The following SRSF1 variants were observed in gnomAD, a reference collection of about 807,000 sequenced individuals.
SRSF1 encodes serine/arginine-rich splicing factor 1.
In SRSF1, 1 loss-of-function variant was observed where a neutral mutation model predicts 25.9. The ratio of observed to expected loss-of-function variants is 0.04; its 90% CI spans 0.01 to 0.18. The LOEUF is 0.18. Among genes scored for constraint, SRSF1 ranks in the 10% least tolerant of loss-of-function variants. The probability of loss-of-function intolerance (pLI) is 1.00; values close to 1 mark genes in which losing one functional copy is unlikely to be tolerated. For missense variants in SRSF1, 65 were observed against 350.5 expected, an observed-to-expected ratio of 0.19 and a Z score of 6.50; for synonymous variants, 132 against 126.2, an observed-to-expected ratio of 1.05 and a Z score of -0.31.
downstream of SRSF1, among the ~76,000 whole-genome samples, chr17:58,000,659 T>C (rs1473252048): frequency 6.6e-6 from 1 of 152,154 alleles, no homozygotes; most frequent in Non-Finnish European, 1.5e-5. Flanking sequence ...GGATTCACAA[T>C]AACAGGTTTT....
chr17:57,994,482 A>G, the SRSF1 span: 14 of 152,214 alleles, frequency 9.2e-5, no homozygotes, highest in African/African-American at 2.9e-4. Context: ...AGTTTGAGAT[A>G]AAACTCCTGT....
rs1427444910 is a variant in SRSF1 at position 58,005,377 on chromosome 17, G to A, written c.*29C>T. On this transcript the variant is annotated 3_prime_UTR_variant, in exon 4 of 4. Transcript: ENST00000258962. The surrounding 1 kb of genome is among the most constrained non-coding windows in gnomAD (Gnocchi z 5.2). ...AATAAAGGAAAACTGTATACAACAT[G>A]GGTTCTACAAAAAGTGTCACCAATC... 1.2e-6 allele frequency: 2 copies of A among 1,610,284 alleles called. No homozygotes were observed. The highest frequency in any genetic ancestry group is 1.7e-6 in the Non-Finnish European group (2 of 1,176,768).
At chr17:57,995,611 G>C in the SRSF1 span, among the ~76,000 whole-genome samples, 1 of 152,316 alleles carries the variant, frequency 6.6e-6, no homozygotes, top group African/African-American at 2.4e-5. Context: ...AGCACCATGG[G>C]ACACCCTGCT....
In SRSF1 at chr17:58,003,600, T is replaced by TA. The variant is rs772393944; in HGVS notation, c.*1805dup. 1 of 152,230 alleles carries TA rather than the reference T, an allele frequency of 6.6e-6. No individual in the cohort carries two copies. The highest frequency in any genetic ancestry group is 2.4e-5 in the African/African-American group (1 of 41,454). The allele number at this position is 152,230 out of a possible 1,614,324, so 9.4% of individuals were successfully genotyped here. On this transcript the variant is annotated 3_prime_UTR_variant, in exon 4 of 4. Coordinates refer to ENST00000258962, the MANE Select transcript of SRSF1 (RefSeq NM_006924.5). ...GTTTTCTTTAAATTTAGAAGTGACT[T>TA]ACTGATTTACTATTTTAAACAAACC... is the stretch of plus-strand genomic sequence containing the variant.
downstream of SRSF1, among the ~76,000 whole-genome samples, chr17:57,996,414 G>C (rs893842366): frequency 6.8e-6 from 1 of 147,516 alleles, no homozygotes; most frequent in Non-Finnish European, 1.5e-5. Flanking sequence ...AACCCAGGAG[G>C]TGGAGGTTGC....
In SRSF1 at chr17:58,007,184, C is replaced by T; in HGVS notation, c.-47G>A. The T allele has an allele frequency of 1.2e-6, 2 of 1,605,840 alleles. No individual in the cohort carries two copies. Among genetic ancestry groups the T allele is most frequent in the South Asian group, 2.2e-5 (2 of 90,622 alleles). ...CTCGAGAACAGGCCTTCCCACCAAGCCTAGCGCACGGCAGAGCGAGCCCGC... is the reference window on the plus strand; with the variant it reads ...CTCGAGAACAGGCCTTCCCACCAAGTCTAGCGCACGGCAGAGCGAGCCCGC... On this transcript the variant is annotated 5_prime_UTR_variant, in exon 1 of 4. Coordinates refer to ENST00000258962, the MANE Select transcript of SRSF1 (RefSeq NM_006924.5).
At chr17:57,989,501 T>C in the SRSF1 span, 4 of 397,598 alleles carry the variant, frequency 1.0e-5, no homozygotes, top group East Asian at 1.4e-4. Context: ...AAGGTCACCA[T>C]CTCCAACTTC....
the SRSF1 span, among the ~76,000 whole-genome samples, chr17:57,995,029 G>C: frequency 4.6e-5 from 7 of 152,184 alleles, no homozygotes; most frequent in African/African-American, 1.7e-4. Flanking sequence ...AATTTTTAAA[G>C]GGCTATTTGC....
the SRSF1 span, chr17:57,989,209 G>A: frequency 1.3e-5 from 5 of 398,600 alleles, no homozygotes; most frequent in Non-Finnish European, 2.2e-5. Flanking sequence ...CTTTGTAGAT[G>A]AGGAGCCTGT....
Position 58,007,048 on chromosome 17 carries a change from C to T in SRSF1, c.90G>A (p.Lys30=), listed in dbSNP as rs1301075338. 5.6e-6 allele frequency: 9 copies of T among 1,614,196 alleles called. No individual in the cohort carries two copies. Among genetic ancestry groups the T allele is most frequent in the Non-Finnish European group, 7.6e-6 (9 of 1,180,046 alleles). ...ATTTGTAGAACACGTCCTCAATGTC[C>T]TTGGTTCGGATGTCTGGAGGTAAGT... ...VGNLPPDIRT[K]DIEDVFYKYG... The change falls in exon 1 of 4, where the codon AAG becomes AAA. Residue 30 remains lysine (K), a synonymous_variant. Transcript: ENST00000258962.
downstream of SRSF1, among the ~76,000 whole-genome samples, chr17:57,997,487 G>C (rs898616504): frequency 6.6e-6 from 1 of 152,156 alleles, no homozygotes; most frequent in East Asian, 1.9e-4. Context: ...TGGGTCTGTA[G>C]AGTTAAAAAA....
At chr17:57,992,832 A>G in the SRSF1 span, 2 of 152,262 alleles carry the variant, frequency 1.3e-5, no homozygotes, top group African/African-American at 4.8e-5. Context: ...GGGTCCCTCC[A>G]TTCTTGGCAG....
rs796417083 is a variant in SRSF1, at chr17:58,001,830, C to CTTTCA, written c.*3575_*3576insTGAAA. Among the ~76,000 whole-genome samples the CTTTCA allele has an allele frequency of 1.9e-4, 29 of 152,276 alleles. No homozygotes were observed. Among genetic ancestry groups the CTTTCA allele is most frequent in the African/African-American group, 6.7e-4 (28 of 41,572 alleles). The stretch of plus-strand genomic sequence containing the variant: ...AACTACAAAACCTATGCCCCTTTAC[C>CTTTCA]TAAGTAAACATTAGATCCTCTCTAA... On this transcript the variant is annotated 3_prime_UTR_variant, in exon 4 of 4. Coordinates refer to ENST00000258962, the MANE Select transcript of SRSF1 (RefSeq NM_006924.5).
Position 58,004,847 on chromosome 17 carries a change from C to T in SRSF1, c.*559G>A. The T allele has an allele frequency of 5.0e-6, 2 of 398,264 alleles. No homozygotes were observed. Among genetic ancestry groups the T allele is most frequent in the Non-Finnish European group, 4.4e-6 (1 of 225,810 alleles). 24.7% of individuals were successfully genotyped at this position (398,264 alleles called of 1,614,324 possible). Reference sequence around the variant, plus strand: ...GTGTTTTAAGGAAAATGTATATAATCATTTTTAACCCCTGCCTTTTAGTAT... The same window carrying T: ...GTGTTTTAAGGAAAATGTATATAATTATTTTTAACCCCTGCCTTTTAGTAT... On this transcript the variant is annotated 3_prime_UTR_variant, in exon 4 of 4. Coordinates refer to ENST00000258962, the MANE Select transcript of SRSF1 (RefSeq NM_006924.5).
At position 58,005,422 on chromosome 17, in the gene SRSF1, G is replaced by C; in HGVS notation, c.731C>G (p.Ser244Cys). ...CCAATCATCTTATGTACGAGAGCGA[G>C]ATCTGCTATGACGGGGAGAATAGCG... ...SPRYSPRHSR[S>C]RSRT Residue 244 changes from serine (S) to cysteine (C), a missense_variant, in exon 4 of 4, where the codon TCT becomes TGT. Around this residue, in one of 2 missense-constraint regions of SRSF1, gnomAD observed 63 missense variants for 284.8 expected, o/e 0.22. Transcript: ENST00000258962. The surrounding 1 kb of genome is among the most constrained non-coding windows in gnomAD (Gnocchi z 5.2). The C allele has an allele frequency of 6.2e-7, 1 of 1,614,168 alleles. No homozygotes were observed. Among genetic ancestry groups the C allele is most frequent in the Non-Finnish European group, 8.5e-7 (1 of 1,179,982 alleles).
In SRSF1 at chr17:58,002,176, A is replaced by C. The variant is rs1472433413; in HGVS notation, c.*3230T>G. Among the ~76,000 whole-genome samples the C allele has an allele frequency of 6.6e-6, 1 of 152,248 alleles. No homozygotes were observed. Among genetic ancestry groups the C allele is most frequent in the African/African-American group, 2.4e-5 (1 of 41,452 alleles). ...GTCATGTAAAATTATTCAAATTTTT[A>C]AACAGTAAATCTGCCTTTTGGCCAT... On this transcript the variant is annotated 3_prime_UTR_variant, in exon 4 of 4. Coordinates refer to ENST00000258962, the MANE Select transcript of SRSF1 (RefSeq NM_006924.5).
At chr17:57,995,556 C>G in the SRSF1 span, among the ~76,000 whole-genome samples, 1 of 152,198 alleles carries the variant, frequency 6.6e-6, no homozygotes, top group African/African-American at 2.4e-5. Flanking sequence ...TAGTCCTACT[C>G]TAGAACAACC....
At chr17:57,990,609 A>G in the SRSF1 span, 2 of 152,338 alleles carry the variant, frequency 1.3e-5, no homozygotes, top group Admixed American at 6.5e-5. Context: ...CCAAACAAAA[A>G]GGAGCTCTCT....
chr17:58,005,977 A>G lies in SRSF1; in HGVS notation c.380-4T>C. 5 of 1,608,268 alleles carry G rather than the reference A, an allele frequency of 3.1e-6. No individual in the cohort carries two copies. The highest frequency in any genetic ancestry group is 1.1e-5 in the South Asian group (1 of 90,660). The stretch of plus-strand genomic sequence containing the variant: ...CAACTTCCACTTGGAGGCAGTCCTG[A>G]AAAAGTGATTTTTTTTTTCTTAGTA... On this transcript the variant is annotated splice_region_variant and splice_polypyrimidine_tract_variant and intron_variant, in intron 2 of 3. Transcript: ENST00000258962. This position sits in a 1 kb window ranked among gnomAD's most constrained non-coding sequence, Gnocchi z 5.2.
Sources: gnomAD v4.1 joint callset for allele counts (sites outside exome capture counted in the v4.1 genomes callset) on GRCh38, gnomAD v4.1.1 for gene constraint, gnomAD v4.1.1 regional missense constraint, Gnocchi (gnomAD v3.1) non-coding constraint, MANE v1.5 for transcripts, NCBI Gene and HGNC (gene_info 2026-07-23, HGNC 2026-07-21) for gene names.